The following CHIC2 variants were observed in gnomAD, a reference collection of about 807,000 sequenced individuals.
The protein encoded by CHIC2 is cysteine rich hydrophobic domain 2.
A neutral mutation model predicts 25.9 loss-of-function variants in CHIC2; 14 were observed. The observed-to-expected ratio is 0.54, with a 90% CI of 0.36 to 0.85. The LOEUF is 0.85. CHIC2 is among the 40% of genes least tolerant of loss of function. CHIC2 has a pLI of 0.01. For missense variants in CHIC2, 146 were observed against 202.0 expected, an observed-to-expected ratio of 0.72 and a Z score of 1.68; for synonymous variants, 70 against 72.0, an observed-to-expected ratio of 0.97 and a Z score of 0.14.
At chr4:54,052,535 G>C (rs562250536) in intron 1 of CHIC2, among the ~76,000 whole-genome samples, 3 of 152,252 alleles carry the variant, frequency 2.0e-5, no homozygotes, top group African/African-American at 7.2e-5. Context: ...TGATGTACTT[G>C]AAAGAAGAGC....
At chr4:54,077,759 C>G in the CHIC2 span, among the ~76,000 whole-genome samples, 2 of 152,310 alleles carry the variant, frequency 1.3e-5, no homozygotes, top group East Asian at 3.9e-4. Context: ...TGTTAGGTCT[C>G]TATAACTTCA....
intron 1 of CHIC2, among the ~76,000 whole-genome samples, chr4:54,051,052 C>CT (rs1577983514): frequency 6.6e-6 from 1 of 152,102 alleles, no homozygotes; most frequent in Non-Finnish European, 1.5e-5. Context: ...TCACTTGGGA[C>CT]TGTATCACCT....
the CHIC2 span, among the ~76,000 whole-genome samples, chr4:54,090,902 C>A: frequency 6.6e-6 from 1 of 151,802 alleles, no homozygotes; most frequent in East Asian, 1.9e-4. Flanking sequence ...ACAGAGGCGA[C>A]AAAACTTGTG....
the CHIC2 span, among the ~76,000 whole-genome samples, chr4:54,071,970 T>C: frequency 6.6e-6 from 1 of 151,510 alleles, no homozygotes; most frequent in Admixed American, 6.6e-5. Flanking sequence ...TGGAGTAATA[T>C]CTAAATCTAA....
At chr4:54,021,898 G>A (rs945980177) in intron 3 of CHIC2, among the ~76,000 whole-genome samples, 22 of 151,936 alleles carry the variant, frequency 1.4e-4, no homozygotes, top group Middle Eastern at 3.4e-3. Flanking sequence ...AATTAACCTC[G>A]CCTTCAAGGT....
chr4:54,051,790 T>C (rs545842342), intron 1 of CHIC2, among the ~76,000 whole-genome samples: 1 of 152,280 alleles, frequency 6.6e-6, no homozygotes, highest in Non-Finnish European at 1.5e-5. Context: ...TCTATCCACC[T>C]GAGGATGTGA....
intron 3 of CHIC2, among the ~76,000 whole-genome samples, chr4:54,019,161 T>C (rs1235286651): frequency 3.3e-5 from 5 of 151,940 alleles, no homozygotes; most frequent in Non-Finnish European, 7.4e-5. Context: ...TAATATGAAA[T>C]TTTATATTCC....
the CHIC2 span, among the ~76,000 whole-genome samples, chr4:54,071,693 G>T: frequency 9.8e-5 from 15 of 152,324 alleles, no homozygotes; most frequent in East Asian, 3.9e-4. Context: ...TATTAAATGG[G>T]GTCAAGCACA....
At chr4:54,031,611 CTT>C (rs1037563282) in intron 3 of CHIC2, among the ~76,000 whole-genome samples, 68 of 103,428 alleles carry the variant, frequency 6.6e-4, no homozygotes, top group African/African-American at 2.4e-3. Context: ...GATGTACTTG[CTT>C]TTTTTTTTTT....
chr4:54,060,772 C>A (rs1489582020), intron 1 of CHIC2: 1 of 152,068 alleles, frequency 6.6e-6, no homozygotes, highest in Non-Finnish European at 1.5e-5. Flanking sequence ...AGTCTTTTTA[C>A]AGTATTACTG....
At chr4:54,090,481 G>A in the CHIC2 span, among the ~76,000 whole-genome samples, 8 of 152,192 alleles carry the variant, frequency 5.3e-5, no homozygotes, top group South Asian at 2.1e-4. Flanking sequence ...CACCACAACC[G>A]GCCTAATTTA....
intron 5 of CHIC2, 94 bp downstream of exon 5, chr4:54,013,743 C>G: frequency 1.5e-6 from 2 of 1,291,210 alleles, no homozygotes; most frequent in Non-Finnish European, 2.2e-6. Context: ...GCTCCTGACA[C>G]CTTTGCTGAT....
At chr4:54,055,018 C>T (rs1289737128) in intron 1 of CHIC2, among the ~76,000 whole-genome samples, 1 of 151,966 alleles carries the variant, frequency 6.6e-6, no homozygotes, top group Non-Finnish European at 1.5e-5. Flanking sequence ...GGGCCTGATA[C>T]AGAGAAAAGA....
At chr4:54,080,942 G>GTATATATATATA in the CHIC2 span, among the ~76,000 whole-genome samples, 31 of 101,116 alleles carry the variant, frequency 3.1e-4, no homozygotes, top group Non-Finnish European at 4.9e-4. Context: ...ATGTGTGTGT[G>GTATATATATATA]TATATATATA....
chr4:54,028,940 T>G lies in CHIC2; in HGVS notation c.331-14821A>C, dbSNP rs1344125069. Among the ~76,000 whole-genome samples, 3 of 152,080 alleles carry G rather than the reference T, an allele frequency of 2.0e-5. 1 individual carries two copies. The highest frequency in any genetic ancestry group is 2.0e-4 in the Admixed American group (3 of 15,274). ...AAGATTAAGACCATCCTGGCCAACA[T>G]GGTGAAACCCCGTCTCTACTAAAAT... On this transcript the variant is annotated intron_variant, in intron 3 of 5. Transcript: ENST00000263921.
chr4:54,059,544 A>G (rs1414140311), intron 1 of CHIC2: 1 of 151,912 alleles, frequency 6.6e-6, no homozygotes, highest in Admixed American at 6.6e-5. Context: ...CTGTCTCTAA[A>G]AAAAGAAAAC....
At chr4:54,043,561 T>C (rs949783191) in intron 3 of CHIC2, among the ~76,000 whole-genome samples, 1 of 151,756 alleles carries the variant, frequency 6.6e-6, no homozygotes, top group Non-Finnish European at 1.5e-5. Flanking sequence ...CTAAGCTTCA[T>C]AAGTGAAGGA....
At chr4:54,066,026 G>A (rs1187274281), upstream of CHIC2, among the ~76,000 whole-genome samples, 1 of 152,220 alleles carries the variant, frequency 6.6e-6, no homozygotes, top group African/African-American at 2.4e-5. Flanking sequence ...TGAGGCACAG[G>A]CCCTGACTTC....
chr4:54,067,319 TG>T (rs1166146229), upstream of CHIC2, among the ~76,000 whole-genome samples: 3 of 151,892 alleles, frequency 2.0e-5, no homozygotes, highest in Admixed American at 6.6e-5. Context: ...TGTGTGTGTG[TG>T]TGTTTTCTTC....
Sources: allele counts gnomAD v4.1 joint callset (sites outside exome capture counted in the v4.1 genomes callset), GRCh38; gene constraint gnomAD v4.1.1; transcripts MANE v1.5; gene names NCBI Gene and HGNC (gene_info 2026-07-23, HGNC 2026-07-21).